Variants in ABCA13 observed in about 807,000 individuals in gnomAD.
The protein encoded by ABCA13 is ATP binding cassette subfamily A member 13, also known as ATP-binding cassette sub-family A member 13.
In ABCA13, 476 loss-of-function variants were observed where a neutral mutation model predicts 478.7. The observed-to-expected ratio is 0.99, with a 90% CI of 0.92 to 1.07. The LOEUF (loss-of-function observed/expected upper bound fraction) is 1.07, where lower values mean the gene tolerates loss of function less well. Ranked by LOEUF, ABCA13 falls within the 50% of genes least tolerant of loss-of-function variation. The pLI is 0.00. For synonymous variants in ABCA13, 2,252 were observed against 2,158.9 expected, an observed-to-expected ratio of 1.04 and a Z score of -1.20; for missense variants, 6,060 against 5,910.6, an observed-to-expected ratio of 1.03 and a Z score of -0.83.
At chr7:48,567,893 G>A (rs1290311102) in intron 55 of ABCA13, among the ~76,000 whole-genome samples, 2 of 151,994 alleles carry the variant, frequency 1.3e-5, no homozygotes, top group African/African-American at 4.8e-5. Context: ...GTCACATGTT[G>A]CAATAGTTTT....
intron 19 of ABCA13, among the ~76,000 whole-genome samples, chr7:48,282,078 G>A (rs1797130102): frequency 6.6e-6 from 1 of 152,110 alleles, no homozygotes; most frequent in African/African-American, 2.4e-5. Context: ...GCTAAATTCT[G>A]TGTCTCCATA....
At chr7:48,199,835 T>C (rs1179574922) in intron 3 of ABCA13, among the ~76,000 whole-genome samples, 2 of 152,186 alleles carry the variant, frequency 1.3e-5, no homozygotes, top group Non-Finnish European at 2.9e-5. Context: ...GTTTAAATGA[T>C]GTTGAAGTGG....
At chr7:48,390,891 G>T (rs1199056999) in intron 37 of ABCA13, among the ~76,000 whole-genome samples, 1 of 152,204 alleles carries the variant, frequency 6.6e-6, no homozygotes, top group East Asian at 1.9e-4. Context: ...CACAGCTGCT[G>T]TGAACATTTG....
At chr7:48,627,487 A>G (rs142239211) in intron 59 of ABCA13, among the ~76,000 whole-genome samples, 1 of 152,174 alleles carries the variant, frequency 6.6e-6, no homozygotes, top group Admixed American at 6.6e-5. Context: ...GAAATAAAAG[A>G]TATTTAGAGT....
chr7:48,371,280 A>T lies in ABCA13; in HGVS notation c.10804-888A>T, dbSNP rs548199517. Among the ~76,000 whole-genome samples, 5 of 152,134 alleles carry T rather than the reference A, an allele frequency of 3.3e-5. 1 individual carries two copies. The South Asian group carries it at 1.0e-3, about 32-fold the overall frequency. On this transcript the variant is annotated intron_variant, in intron 32 of 61. Transcript: ENST00000435803. ...TATACAGGCTCTTTTTTTTGGTTCC[A>T]TATGAATTTTAAAGTAGATTTATCT...
At chr7:48,213,394 G>A in intron 3 of ABCA13, among the ~76,000 whole-genome samples, 1 of 152,142 alleles carries the variant, frequency 6.6e-6, no homozygotes, top group East Asian at 1.9e-4. Context: ...GTGTGCAATA[G>A]CATTGTCTAA....
chr7:48,520,547 T>C (rs1413218944), intron 53 of ABCA13, among the ~76,000 whole-genome samples: 1 of 151,786 alleles, frequency 6.6e-6, no homozygotes, highest in East Asian at 1.9e-4. Context: ...GCATATTTTC[T>C]TTTTTTAAAA....
At chr7:48,617,971 A>G (rs537242094) in intron 59 of ABCA13, among the ~76,000 whole-genome samples, 39 of 151,968 alleles carry the variant, frequency 2.6e-4, no homozygotes, top group East Asian at 1.7e-3. Flanking sequence ...GTGAAGTGAA[A>G]TTTCCCAAAC....
chr7:48,287,044 G>A (rs935848351), intron 19 of ABCA13, among the ~76,000 whole-genome samples: 2 of 152,166 alleles, frequency 1.3e-5, no homozygotes, highest in African/African-American at 4.8e-5. Flanking sequence ...ATCGTGCGGT[G>A]GGAGGTGAGC....
chr7:48,352,035 A>T, intron 30 of ABCA13, 146 bp from the exon 31 acceptor site: 1 of 715,154 alleles, frequency 1.4e-6, no homozygotes, highest in Non-Finnish European at 2.2e-6. Context: ...CAGCTTTGCC[A>T]CTGCGGGCTG....
At chr7:48,221,929 T>A (rs1787415245) in intron 5 of ABCA13, among the ~76,000 whole-genome samples, 2 of 152,212 alleles carry the variant, frequency 1.3e-5, no homozygotes, top group African/African-American at 4.8e-5. Context: ...TATTAAAAAT[T>A]CTTCCTTGCT....
chr7:48,324,748 T>TC (rs1295187099), intron 27 of ABCA13, among the ~76,000 whole-genome samples: 4 of 152,154 alleles, frequency 2.6e-5, no homozygotes, highest in Admixed American at 1.3e-4. Flanking sequence ...CTATATGAAT[T>TC]CCCCACTGAA....
chr7:48,396,772 G>T (rs1042518680), intron 38 of ABCA13, among the ~76,000 whole-genome samples: 31 of 152,118 alleles, frequency 2.0e-4, no homozygotes, highest in African/African-American at 7.5e-4. Flanking sequence ...CTCGGAACTT[G>T]GCAGGCAGGG....
intron 43 of ABCA13, among the ~76,000 whole-genome samples, chr7:48,460,538 G>A (rs778358994): frequency 6.6e-6 from 1 of 152,130 alleles, no homozygotes. Flanking sequence ...TATTGGATAT[G>A]GTACCCACTC....
chr7:48,347,625 C>T (rs1237666741), intron 29 of ABCA13, among the ~76,000 whole-genome samples: 6 of 152,234 alleles, frequency 3.9e-5, no homozygotes, highest in Non-Finnish European at 7.3e-5. Flanking sequence ...TGTGTTCCCA[C>T]AGCAGATAAA....
intron 55 of ABCA13, among the ~76,000 whole-genome samples, chr7:48,550,971 G>T (rs1785265461): frequency 6.6e-6 from 1 of 151,324 alleles, no homozygotes. Flanking sequence ...AATATTTCAA[G>T]AATTATTTTT....
chr7:48,527,263 G>A (rs1195161718), intron 54 of ABCA13, among the ~76,000 whole-genome samples: 1 of 152,090 alleles, frequency 6.6e-6, no homozygotes, highest in Non-Finnish European at 1.5e-5. Context: ...AGGGAAAGCG[G>A]GGAAAACATG....
intron 50 of ABCA13, among the ~76,000 whole-genome samples, chr7:48,508,477 G>T (rs1027476856): frequency 1.3e-5 from 2 of 152,022 alleles, no homozygotes; most frequent in Non-Finnish European, 2.9e-5. Context: ...AGCATTTTTG[G>T]AATGCACTCA....
chr7:48,604,677 G>A (rs1791282567), intron 58 of ABCA13, among the ~76,000 whole-genome samples: 1 of 152,178 alleles, frequency 6.6e-6, no homozygotes, highest in African/African-American at 2.4e-5. Context: ...TAAGCATGAT[G>A]TGGTACTGAG....
Sources: allele counts gnomAD v4.1 joint callset (sites outside exome capture counted in the v4.1 genomes callset), GRCh38; gene constraint gnomAD v4.1.1; transcripts MANE v1.5; gene names NCBI Gene and HGNC (gene_info 2026-07-23, HGNC 2026-07-21).